Variants in TCF12 observed in about 807,000 individuals in gnomAD.
The protein encoded by TCF12 is DNA-binding protein HTF4.
Under a neutral mutation model 86.0 loss-of-function variants are expected in TCF12, and 45 were observed. That is an observed-to-expected ratio of 0.52 (90% CI 0.41 to 0.67). The LOEUF (loss-of-function observed/expected upper bound fraction) is 0.67. Ranked by LOEUF, TCF12 falls within the 30% of genes least tolerant of loss-of-function variation. The probability of loss-of-function intolerance (pLI) is 0.00; values close to 1 mark genes in which losing one functional copy is unlikely to be tolerated. For synonymous variants in TCF12, 330 were observed against 299.6 expected, an observed-to-expected ratio of 1.10 and a Z score of -1.05; for missense variants, 881 against 859.9, an observed-to-expected ratio of 1.02 and a Z score of -0.31.
chr15:56,965,706 G>A (rs1028900463), intron 3 of TCF12, among the ~76,000 whole-genome samples: 3 of 152,134 alleles, frequency 2.0e-5, no homozygotes, highest in Non-Finnish European at 4.4e-5. Context: ...GCTTAGAGGA[G>A]TGCCAGGGTT....
intron 8 of TCF12, among the ~76,000 whole-genome samples, chr15:57,200,045 C>CT (rs11380359): frequency 0.25 from 33,131 of 130,036 alleles, 4,773 homozygotes; most frequent in Admixed American, 0.33. Context: ...CCACGGCTGG[C>CT]TTTTTTTTTT....
intron 3 of TCF12, among the ~76,000 whole-genome samples, chr15:56,971,590 T>C (rs1262575168): frequency 6.6e-6 from 1 of 152,180 alleles, no homozygotes; most frequent in Admixed American, 6.6e-5. Flanking sequence ...TTGGGGGGCT[T>C]AGAATTTTAT....
At chr15:57,234,747 A>T (rs1394892863) in intron 12 of TCF12, among the ~76,000 whole-genome samples, 2 of 152,244 alleles carry the variant, frequency 1.3e-5, no homozygotes, top group Non-Finnish European at 2.9e-5. Flanking sequence ...TGCCAAAACT[A>T]GAAGGGAGAG....
chr15:57,071,560 G>C (rs531379261), intron 4 of TCF12, among the ~76,000 whole-genome samples: 1 of 152,094 alleles, frequency 6.6e-6, no homozygotes, highest in African/African-American at 2.4e-5. Context: ...TCTAGAGCCC[G>C]GGAGGCGGAG....
chr15:57,062,612 A>G (rs1447824717), intron 3 of TCF12, among the ~76,000 whole-genome samples: 1 of 152,134 alleles, frequency 6.6e-6, no homozygotes, highest in Non-Finnish European at 1.5e-5. Flanking sequence ...CAATTTGGCA[A>G]TTGTGTCACT....
intron 3 of TCF12, among the ~76,000 whole-genome samples, chr15:57,038,068 A>G (rs754581141): frequency 6.6e-6 from 1 of 152,182 alleles, no homozygotes; most frequent in Non-Finnish European, 1.5e-5. Context: ...TCCTGTTCTA[A>G]TTTTATTAGA....
At chr15:57,060,517 A>G (rs1380174746) in intron 3 of TCF12, among the ~76,000 whole-genome samples, 1 of 152,220 alleles carries the variant, frequency 6.6e-6, no homozygotes, top group African/African-American at 2.4e-5. Context: ...AAAGTCAAAT[A>G]AGGCTCAAAA....
chr15:57,048,284 C>T (rs1159876038), intron 3 of TCF12, among the ~76,000 whole-genome samples: 3 of 151,784 alleles, frequency 2.0e-5, no homozygotes, highest in Non-Finnish European at 4.4e-5. Context: ...GTTTTTGAGA[C>T]AGAGTCTCGC....
At chr15:56,933,544 C>CT (rs1241017787) in intron 3 of TCF12, among the ~76,000 whole-genome samples, 2 of 152,092 alleles carry the variant, frequency 1.3e-5, no homozygotes, top group Non-Finnish European at 2.9e-5. Flanking sequence ...TTATTATTTA[C>CT]TAGATATGTG....
chr15:57,072,094 A>T (rs954463119), intron 4 of TCF12, among the ~76,000 whole-genome samples: 8 of 152,212 alleles, frequency 5.3e-5, no homozygotes, highest in Non-Finnish European at 7.4e-5. Context: ...TGAAAGAGTG[A>T]CAAAAAATAG....
At chr15:57,186,280 C>T (rs899803556) in intron 6 of TCF12, among the ~76,000 whole-genome samples, 3 of 152,172 alleles carry the variant, frequency 2.0e-5, no homozygotes, top group Admixed American at 1.3e-4. Context: ...GAGAGGATCA[C>T]TTGAGCCCTG....
chr15:57,166,549 ATCC>A, intron 6 of TCF12, 83 bp downstream of exon 6: 1 of 1,209,098 alleles, frequency 8.3e-7, no homozygotes, highest in South Asian at 1.5e-5. Context: ...GATAGAAATT[ATCC>A]AATTTATTTC....
At chr15:57,097,088 G>A (rs1286503650) in intron 5 of TCF12, among the ~76,000 whole-genome samples, 1 of 151,848 alleles carries the variant, frequency 6.6e-6, no homozygotes, top group Non-Finnish European at 1.5e-5. Context: ...CTGTATATTT[G>A]GTACCTCAAA....
intron 5 of TCF12, among the ~76,000 whole-genome samples, chr15:57,133,639 T>C (rs1452174993): frequency 6.4e-4 from 96 of 150,544 alleles, no homozygotes; most frequent in African/African-American, 2.3e-3. Context: ...TTTTTTTTTT[T>C]CCCATCTGTG....
At chr15:57,030,660 A>G (rs185518416) in intron 3 of TCF12, among the ~76,000 whole-genome samples, 2 of 152,264 alleles carry the variant, frequency 1.3e-5, no homozygotes, top group East Asian at 3.9e-4. Flanking sequence ...CTGAAACTCA[A>G]ACACTATAGA....
intron 6 of TCF12, among the ~76,000 whole-genome samples, chr15:57,190,786 C>T (rs1169085051): frequency 6.6e-6 from 1 of 152,192 alleles, no homozygotes; most frequent in African/African-American, 2.4e-5. Context: ...TCTCCTCACC[C>T]TTGTCATCCT....
intron 7 of TCF12, among the ~76,000 whole-genome samples, chr15:57,195,514 AGT>A (rs1262361268): frequency 2.6e-5 from 4 of 152,308 alleles, no homozygotes; most frequent in African/African-American, 9.6e-5. Context: ...ATAAATACAG[AGT>A]GTGCCAGATG....
At chr15:57,087,643 A>AT (rs778772814) in intron 4 of TCF12, among the ~76,000 whole-genome samples, 1 of 152,106 alleles carries the variant, frequency 6.6e-6, no homozygotes, top group Non-Finnish European at 1.5e-5. Flanking sequence ...AGATGGAATT[A>AT]TTTAAGATTT....
intron 5 of TCF12, among the ~76,000 whole-genome samples, chr15:57,096,679 A>C (rs2049346331): frequency 2.0e-5 from 3 of 152,162 alleles, no homozygotes; most frequent in Non-Finnish European, 4.4e-5. Context: ...CAAGGAAAAA[A>C]ATGTCTGTAT....
Sources: allele counts gnomAD v4.1 joint callset (sites outside exome capture counted in the v4.1 genomes callset), GRCh38; gene constraint gnomAD v4.1.1; transcripts MANE v1.5; gene names NCBI Gene and HGNC (gene_info 2026-07-23, HGNC 2026-07-21).